The following STAC variants were observed in gnomAD, a reference collection of about 807,000 sequenced individuals.
STAC encodes SH3 and cysteine rich domain.
A neutral mutation model predicts 48.8 loss-of-function variants in STAC; 43 were observed. The ratio of observed to expected loss-of-function variants is 0.88; its 90% CI spans 0.69 to 1.14. The LOEUF (loss-of-function observed/expected upper bound fraction) is 1.14, where lower values mean the gene tolerates loss of function less well. STAC is among the 50% of genes most tolerant of loss of function. The probability of loss-of-function intolerance (pLI) is 0.00; values close to 1 mark genes in which losing one functional copy is unlikely to be tolerated. For synonymous variants in STAC, 193 were observed against 179.5 expected (o/e 1.07, Z -0.60); for missense variants, 497 against 504.0 (o/e 0.99, Z 0.13).
intron 10 of STAC, among the ~76,000 whole-genome samples, chr3:36,545,112 C>T (rs982174054): frequency 3.9e-5 from 6 of 152,156 alleles, no homozygotes; most frequent in South Asian, 4.1e-4. Flanking sequence ...ATGTTGGCCA[C>T]GAACAACTCA....
At chr3:36,483,121 ACAC>A in intron 3 of STAC, 29 bp downstream of exon 3, 1 of 1,541,422 alleles carries the variant, frequency 6.5e-7, no homozygotes, top group Non-Finnish European at 9.0e-7. Context: ...AGTGAGGCCC[ACAC>A]CTCTCTGCTA....
At chr3:36,441,558 G>A (rs926371526) in intron 1 of STAC, among the ~76,000 whole-genome samples, 11 of 152,068 alleles carry the variant, frequency 7.2e-5, no homozygotes, top group African/African-American at 2.7e-4. Flanking sequence ...ATTAACATGG[G>A]GGTGCAGATG....
chr3:36,514,201 CTTCTTTTT>C (rs1698611792), intron 8 of STAC, among the ~76,000 whole-genome samples: 1 of 109,182 alleles, frequency 9.2e-6, no homozygotes, highest in Non-Finnish European at 1.8e-5. Context: ...CTACACTGGC[CTTCTTTTT>C]TTTTTTTTTT....
chr3:36,504,417 C>T lies in STAC; in HGVS notation c.791C>T (p.Thr264Ile), dbSNP rs751010252. The T allele has an allele frequency of 2.0e-5, 32 of 1,613,436 alleles. No individual in the cohort carries two copies. Among genetic ancestry groups the T allele is most frequent in the Admixed American group, 3.3e-5 (2 of 59,880 alleles). Residue 264 changes from threonine to isoleucine, a missense_variant, in exon 7 of 11, where the codon ACT becomes ATT. Transcript: ENST00000273183. ...GTGTTTACATATCCAGAAAATGGCA[C>T]TGATGATTTCAGAGATCCAGCGAAG... ...NSVFTYPENG[T>I]DDFRDPAKNI...
chr3:36,530,773 T>C (rs973038571), intron 10 of STAC, among the ~76,000 whole-genome samples: 11 of 151,860 alleles, frequency 7.2e-5, no homozygotes, highest in African/African-American at 2.7e-4. Flanking sequence ...TTTTTTTATA[T>C]TTTTAGTACA....
At chr3:36,430,374 G>T (rs1237869649) in intron 1 of STAC, among the ~76,000 whole-genome samples, 4 of 152,156 alleles carry the variant, frequency 2.6e-5, no homozygotes, top group Admixed American at 6.5e-5. Flanking sequence ...CTGAGGCAGG[G>T]CATTAGAAGC....
intron 2 of STAC, among the ~76,000 whole-genome samples, chr3:36,478,305 T>C (rs928848903): frequency 6.6e-6 from 1 of 152,264 alleles, no homozygotes; most frequent in Non-Finnish European, 1.5e-5. Context: ...TTGTGACTAT[T>C]GTTAACTTCT....
chr3:36,483,952 A>T (rs35558432), intron 3 of STAC, among the ~76,000 whole-genome samples: 22,291 of 152,094 alleles, frequency 0.15, 1,941 homozygotes, highest in East Asian at 0.31. Flanking sequence ...CTGTCTCAAA[A>T]ATTTTTTTTC....
At chr3:36,543,110 C>T (rs545483002) in intron 10 of STAC, among the ~76,000 whole-genome samples, 14 of 152,140 alleles carry the variant, frequency 9.2e-5, no homozygotes, top group Admixed American at 2.6e-4. Context: ...CTGAGCAAAC[C>T]GAGACAAGTT....
intron 6 of STAC, among the ~76,000 whole-genome samples, chr3:36,502,063 C>T (rs544887335): frequency 9.9e-5 from 15 of 152,064 alleles, no homozygotes; most frequent in Admixed American, 5.9e-4. Flanking sequence ...AATAATCTAA[C>T]TAAAAAACAC....
rs74893206 is a variant in STAC at position 36,440,725 on chromosome 3, C to T, written c.112-2639C>T. Among the ~76,000 whole-genome samples, 1,347 of 152,302 alleles carry T rather than the reference C, an allele frequency of 8.8e-3. 14 individuals carry two copies. Among genetic ancestry groups the T allele is most frequent in the South Asian group, 0.025 (122 of 4,826 alleles). Reference sequence around the variant, plus strand: ...CCTGGATAAGGGAAAGGGGAGAGAACTGCAGTCTTTTTGTAGTCTACCCCA... The same window carrying T: ...CCTGGATAAGGGAAAGGGGAGAGAATTGCAGTCTTTTTGTAGTCTACCCCA... On this transcript the variant is annotated intron_variant, in intron 1 of 10. Coordinates refer to ENST00000273183, the MANE Select transcript of STAC (RefSeq NM_003149.3).
chr3:36,507,865 A>C (rs140441725), intron 8 of STAC, among the ~76,000 whole-genome samples: 1 of 152,316 alleles, frequency 6.6e-6, no homozygotes, highest in African/African-American at 2.4e-5. Context: ...TTTTCAAAAA[A>C]ACCAGCTCCT....
intron 2 of STAC, among the ~76,000 whole-genome samples, chr3:36,457,847 G>A (rs1193168983): frequency 6.6e-6 from 1 of 152,188 alleles, no homozygotes; most frequent in Non-Finnish European, 1.5e-5. Flanking sequence ...AGAGGGCAAA[G>A]GCTGTGGACT....
chr3:36,434,187 C>A (rs56344205), intron 1 of STAC, among the ~76,000 whole-genome samples: 3,952 of 152,196 alleles, frequency 0.026, 76 homozygotes, highest in Non-Finnish European at 0.036. Flanking sequence ...ATCTGCATGG[C>A]GGCTGGAGTG....
intron 1 of STAC, among the ~76,000 whole-genome samples, chr3:36,413,168 G>A (rs914895876): frequency 4.6e-5 from 7 of 152,074 alleles, no homozygotes; most frequent in African/African-American, 1.2e-4. Context: ...TGGGGTGGAC[G>A]GTTCTATAGA....
chr3:36,514,158 A>G (rs753023341), intron 8 of STAC, among the ~76,000 whole-genome samples: 2 of 143,114 alleles, frequency 1.4e-5, no homozygotes, highest in Non-Finnish European at 3.0e-5. Context: ...TCCAGGACCC[A>G]CAGTCTCATC....
At chr3:36,436,231 C>A (rs1394667110) in intron 1 of STAC, among the ~76,000 whole-genome samples, 1 of 152,202 alleles carries the variant, frequency 6.6e-6, no homozygotes, top group Non-Finnish European at 1.5e-5. Flanking sequence ...CAAGGCCAAG[C>A]TAAAATTACT....
intron 1 of STAC, among the ~76,000 whole-genome samples, chr3:36,413,226 T>A (rs554000432): frequency 6.6e-6 from 1 of 152,300 alleles, no homozygotes; most frequent in African/African-American, 2.4e-5. Context: ...TTCCTGGATA[T>A]CCTTGTTAAC....
At chr3:36,454,400 CCCA>C (rs1411047900) in intron 2 of STAC, among the ~76,000 whole-genome samples, 3 of 152,006 alleles carry the variant, frequency 2.0e-5, no homozygotes, top group African/African-American at 7.3e-5. Flanking sequence ...AGACCACGAA[CCCA>C]CCAGAAGGAA....
Sources: gnomAD v4.1 joint callset for allele counts (sites outside exome capture counted in the v4.1 genomes callset) on GRCh38, gnomAD v4.1.1 for gene constraint, MANE v1.5 for transcripts, NCBI Gene and HGNC (gene_info 2026-07-23, HGNC 2026-07-21) for gene names.